ARL15: variants seen among roughly 807,000 people sequenced by gnomAD.
The protein encoded by ARL15 is ADP-ribosylation factor-like protein 15.
A neutral mutation model predicts 25.2 loss-of-function variants in ARL15; 19 were observed. The observed-to-expected ratio is 0.75, with a 90% confidence interval of 0.53 to 1.10. The LOEUF is 1.10. Ranked by LOEUF, ARL15 falls within the 50% of genes least tolerant of loss-of-function variation. The pLI, the probability that ARL15 is intolerant of heterozygous loss-of-function variation, is 0.00. For missense variants in ARL15, 220 were observed against 246.0 expected (o/e 0.89, Z 0.71); for synonymous variants, 94 against 86.8 (o/e 1.08, Z -0.46).
intron 4 of ARL15, among the ~76,000 whole-genome samples, chr5:53,940,090 T>C (rs1026718323): frequency 6.6e-6 from 1 of 151,766 alleles, no homozygotes; most frequent in South Asian, 2.1e-4. Flanking sequence ...GCCATTCTCC[T>C]GCCTCAGCCT....
chr5:54,126,152 A>T lies in ARL15; in HGVS notation c.254-12742T>A, dbSNP rs1034898393. 2.0e-5 allele frequency among the ~76,000 whole-genome samples: 3 copies of T among 152,242 alleles called. No individual in the cohort carries two copies. The South Asian group carries it at 6.2e-4, about 32-fold the overall frequency. ...ATCAGCTTATTTCTTCTCTTGTTGTACATCCTCTTTGGGAAAGTCTTTACT... is the reference window on the plus strand; with the variant it reads ...ATCAGCTTATTTCTTCTCTTGTTGTTCATCCTCTTTGGGAAAGTCTTTACT... On this transcript the variant is annotated intron_variant, in intron 3 of 4. Transcript: ENST00000504924.
At chr5:54,034,046 T>C (rs1750091570) in intron 4 of ARL15, among the ~76,000 whole-genome samples, 1 of 152,102 alleles carries the variant, frequency 6.6e-6, no homozygotes, top group East Asian at 1.9e-4. Context: ...ATCTCCTGAC[T>C]TCGTGATCCG....
intron 3 of ARL15, among the ~76,000 whole-genome samples, chr5:54,141,961 C>T (rs534838255): frequency 6.6e-6 from 1 of 152,172 alleles, no homozygotes; most frequent in African/African-American, 2.4e-5. Context: ...TTTGTTTATC[C>T]ATTCACCAAT....
chr5:54,073,880 G>A (rs1252688814), intron 4 of ARL15, among the ~76,000 whole-genome samples: 1 of 152,182 alleles, frequency 6.6e-6, no homozygotes, highest in Non-Finnish European at 1.5e-5. Flanking sequence ...TGACTATTAT[G>A]CTGCTTCCTA....
chr5:53,929,362 G>A lies in ARL15; in HGVS notation c.463-42649C>T, dbSNP rs137989815. 1.4e-4 allele frequency among the ~76,000 whole-genome samples: 21 copies of A among 152,210 alleles called. No homozygotes were observed. The East Asian group carries it at 2.9e-3, about 21-fold the overall frequency. ...TAGTCATTTGAGAAAAGTACAACCC[G>A]AATATGCATTTCTCTTATGGGTCAA... On this transcript the variant is annotated intron_variant, in intron 4 of 4. Transcript: ENST00000504924.
chr5:54,138,035 C>T (rs1753658392), intron 3 of ARL15, among the ~76,000 whole-genome samples: 1 of 152,166 alleles, frequency 6.6e-6, no homozygotes, highest in African/African-American at 2.4e-5. Context: ...TGTATTGAGA[C>T]TTCAATGTTT....
intron 1 of ARL15, among the ~76,000 whole-genome samples, chr5:54,212,985 A>G (rs758959387): frequency 2.0e-5 from 3 of 152,228 alleles, no homozygotes; most frequent in Non-Finnish European, 2.9e-5. Context: ...CCCTTGACAC[A>G]CTAACATCCT....
chr5:54,040,145 C>T (rs978432058), intron 4 of ARL15, among the ~76,000 whole-genome samples: 4 of 152,176 alleles, frequency 2.6e-5, no homozygotes, highest in Non-Finnish European at 5.9e-5. Context: ...CTTATCTTTA[C>T]ATTTCGTCAT....
intron 1 of ARL15, among the ~76,000 whole-genome samples, chr5:54,248,283 A>G (rs569402206): frequency 5.9e-5 from 9 of 152,296 alleles, no homozygotes; most frequent in Admixed American, 2.0e-4. Context: ...ATCTCTTACC[A>G]TGACCAACAA....
intron 4 of ARL15, among the ~76,000 whole-genome samples, chr5:54,101,661 T>C (rs990157257): frequency 6.6e-6 from 1 of 152,122 alleles, no homozygotes; most frequent in Admixed American, 6.5e-5. Flanking sequence ...ATAGCTATAG[T>C]GCTCAAAAAC....
Position 53,909,206 on chromosome 5 carries a change from A to T in ARL15, c.463-22493T>A, listed in dbSNP as rs572191627. Among the ~76,000 whole-genome samples the T allele has an allele frequency of 1.6e-4, 25 of 152,358 alleles. No individual in the cohort carries two copies. The South Asian group carries it at 4.8e-3, about 29-fold the overall frequency. On this transcript the variant is annotated intron_variant, in intron 4 of 4. Transcript: ENST00000504924. ...CTAATATTATATATTGAAGTTTTAGACATATGCTCTGAATAATTAAGAAAA... is the reference window on the plus strand; with the variant it reads ...CTAATATTATATATTGAAGTTTTAGTCATATGCTCTGAATAATTAAGAAAA...
At chr5:53,897,712 G>A (rs1445027459) in intron 4 of ARL15, among the ~76,000 whole-genome samples, 1 of 152,164 alleles carries the variant, frequency 6.6e-6, no homozygotes, top group Non-Finnish European at 1.5e-5. Context: ...GTGTTACACT[G>A]ATTTTTGTAT....
At chr5:54,118,684 G>A (rs183333545) in intron 3 of ARL15, among the ~76,000 whole-genome samples, 1 of 152,234 alleles carries the variant, frequency 6.6e-6, no homozygotes, top group Non-Finnish European at 1.5e-5. Flanking sequence ...GGAGTTGGGA[G>A]GGCAATCTCA....
intron 2 of ARL15, among the ~76,000 whole-genome samples, chr5:54,157,538 A>T (rs2112357435): frequency 6.6e-6 from 1 of 152,096 alleles, no homozygotes; most frequent in East Asian, 1.9e-4. Context: ...CAGCCTCCTG[A>T]GTAGCCGGGA....
intron 2 of ARL15, among the ~76,000 whole-genome samples, chr5:54,169,250 G>T (rs947228379): frequency 2.0e-5 from 3 of 152,098 alleles, no homozygotes; most frequent in African/African-American, 7.2e-5. Context: ...GTGAAGAAAA[G>T]CATACTTTGT....
At chr5:54,125,340 C>T (rs576545620) in intron 3 of ARL15, among the ~76,000 whole-genome samples, 19 of 152,126 alleles carry the variant, frequency 1.2e-4, no homozygotes, top group Middle Eastern at 3.4e-3. Flanking sequence ...AGCCCCAGTA[C>T]GCAAGTTTTT....
chr5:54,081,051 A>G (rs890042675), intron 4 of ARL15, among the ~76,000 whole-genome samples: 16 of 152,152 alleles, frequency 1.1e-4, no homozygotes, highest in South Asian at 2.1e-4. Context: ...GACCTCATTT[A>G]GCCTTAATTT....
At chr5:54,092,047 A>ACAC (rs1554039822) in intron 4 of ARL15, among the ~76,000 whole-genome samples, 2 of 146,320 alleles carry the variant, frequency 1.4e-5, no homozygotes, top group Admixed American at 1.4e-4. Flanking sequence ...TCAAATTGAA[A>ACAC]ACACACACAC....
chr5:53,934,831 T>C (rs898516128), intron 4 of ARL15, among the ~76,000 whole-genome samples: 1 of 152,242 alleles, frequency 6.6e-6, no homozygotes, highest in Non-Finnish European at 1.5e-5. Context: ...AAGCACAGTA[T>C]ACATCTTTCT....
Sources: allele counts gnomAD v4.1 joint callset (sites outside exome capture counted in the v4.1 genomes callset), GRCh38; gene constraint gnomAD v4.1.1; transcripts MANE v1.5; gene names NCBI Gene and HGNC (gene_info 2026-07-23, HGNC 2026-07-21).